Variants in ZNF155 observed in about 807,000 individuals in gnomAD.
ZNF155 encodes the protein KRAB A domain.
ZNF155 carries 15 observed loss-of-function variants against 11.9 expected under a neutral mutation model. The ratio of observed to expected loss-of-function variants is 1.26; its 90% confidence interval spans 0.84 to 1.94. ZNF155 has a LOEUF of 1.94. Ranked by LOEUF, ZNF155 falls within the 30% of genes most tolerant of loss-of-function variation. The pLI is 0.00. For synonymous variants in ZNF155, 212 were observed against 219.9 expected, an observed-to-expected ratio of 0.96 and a Z score of 0.32; for missense variants, 602 against 639.1, an observed-to-expected ratio of 0.94 and a Z score of 0.63.
chr19:43,995,280 T>G (rs1390072248), intron 4 of ZNF155, among the ~76,000 whole-genome samples: 1 of 151,978 alleles, frequency 6.6e-6, no homozygotes, highest in African/African-American at 2.4e-5. Flanking sequence ...CGTGGCTAAT[T>G]TTTGTATTTT....
intron 1 of ZNF155, among the ~76,000 whole-genome samples, chr19:43,987,455 A>G (rs1975502031): frequency 6.6e-6 from 1 of 152,226 alleles, no homozygotes; most frequent in South Asian, 2.1e-4. Context: ...TCTCATGTTT[A>G]GGTTCAGATC....
In ZNF155 at chr19:43,984,671, G is replaced by C. The variant is rs1217046738; in HGVS notation, c.-86+426G>C. On this transcript the variant is annotated intron_variant, in intron 1 of 4. Transcript: ENST00000270014. ...GATAGAATTGTTTTAGGAGTTGAAA[G>C]TTGTGGTATAAAACAAAGACTTAAC... Among the ~76,000 whole-genome samples the C allele has an allele frequency of 2.0e-5, 3 of 152,322 alleles. No homozygotes were observed. The East Asian group carries it at 5.8e-4, about 29-fold the overall frequency.
Position 43,997,753 on chromosome 19 carries a change from A to T in ZNF155, c.*279A>T. The T allele has an allele frequency of 2.9e-6, 1 of 339,548 alleles. No individual in the cohort carries two copies. The highest frequency in any genetic ancestry group is 5.3e-6 in the Non-Finnish European group (1 of 187,198). 21.0% of individuals were successfully genotyped at this position (339,548 alleles called of 1,614,324 possible). A position where few individuals can be genotyped will look rare whatever the true frequency, so the allele number is the denominator to read the frequency against. ...ACTGATAAGGGAACTAGCACAGGGG[A>T]TTGTGCCTGGAGACATGCCCATGGC... On this transcript the variant is annotated 3_prime_UTR_variant, in exon 5 of 5. Transcript: ENST00000270014.
chr19:43,990,277 G>A (rs550459798), intron 2 of ZNF155, among the ~76,000 whole-genome samples: 1 of 152,128 alleles, frequency 6.6e-6, no homozygotes, highest in East Asian at 1.9e-4. Context: ...CTCTTTACAG[G>A]ATTGATAATG....
chr19:43,987,224 T>C (rs1975493112), intron 1 of ZNF155, among the ~76,000 whole-genome samples: 1 of 152,336 alleles, frequency 6.6e-6, no homozygotes, highest in African/African-American at 2.4e-5. Flanking sequence ...TTAAATTTGT[T>C]CAATTTTTTC....
Position 43,991,577 on chromosome 19 carries a change from G to C in ZNF155, c.45G>C (p.Val15=). 1.9e-6 allele frequency: 3 copies of C among 1,614,146 alleles called. No homozygotes were observed. The highest frequency in any genetic ancestry group is 2.5e-6 in the Non-Finnish European group (3 of 1,180,024). ...CAGTGACCTTCAAGGATGTGGCTGTGGTCTTCACTGAGGAGGAGCTGGGGC... is the reference window on the plus strand; with the variant it reads ...CAGTGACCTTCAAGGATGTGGCTGTCGTCTTCACTGAGGAGGAGCTGGGGC... ...KEAVTFKDVA[V]VFTEEELGLL... Residue 15 remains valine, a synonymous_variant, in exon 3 of 5, where the codon GTG becomes GTC. Transcript: ENST00000270014.
intron 1 of ZNF155, among the ~76,000 whole-genome samples, chr19:43,985,575 C>G (rs564479974): frequency 5.8e-4 from 82 of 141,612 alleles, no homozygotes; most frequent in Middle Eastern, 8.3e-3. Context: ...GAGTCTCGCT[C>G]TGTCGCCCAG....
chr19:43,995,964 G>A, intron 4 of ZNF155, 129 bp from the exon 5 acceptor site: 1 of 1,229,272 alleles, frequency 8.1e-7, no homozygotes. Context: ...AAATCAGGGT[G>A]TACTTGGAAA....
rs1013178750 is a variant in ZNF155 at position 43,997,714 on chromosome 19, A to G, written c.*240A>G. ...CACAAAAAGCAGCCTGGGGAAGACA[A>G]TCAAGCTACAGGCACTGATAAGGGA... On this transcript the variant is annotated 3_prime_UTR_variant, in exon 5 of 5. Transcript: ENST00000270014. The G allele has an allele frequency of 9.1e-6, 4 of 440,512 alleles. No homozygotes were observed. The highest frequency in any genetic ancestry group is 4.0e-5 in the African/African-American group (2 of 49,844). The allele number at this position is 440,512 out of a possible 1,614,324, so 27.3% of individuals were successfully genotyped here.
At chr19:43,986,725 AG>A (rs1975469752) in intron 1 of ZNF155, among the ~76,000 whole-genome samples, 3 of 152,296 alleles carry the variant, frequency 2.0e-5, no homozygotes, top group Middle Eastern at 6.8e-3. Flanking sequence ...CTGAGATTAC[AG>A]GTGTGAGCCA....
Position 43,991,685 on chromosome 19 carries a change from G to T in ZNF155, c.142+11G>T, listed in dbSNP as rs1432990325. On this transcript the variant is annotated intron_variant, in intron 3 of 4. Coordinates refer to ENST00000270014, the MANE Select transcript of ZNF155 (RefSeq NM_198089.3). ...ACCTGCTCTCAGTGGGTGAGCACGG[G>T]CATCTTTTGTGTCTGAACATCAGGC... 1 of 1,613,982 alleles carries T rather than the reference G, an allele frequency of 6.2e-7. No homozygotes were observed. Among genetic ancestry groups the T allele is most frequent in the Non-Finnish European group, 8.5e-7 (1 of 1,179,978 alleles).
Position 43,989,325 on chromosome 19 carries a change from C to G in ZNF155, c.15+767C>G, listed in dbSNP as rs16976964. 8.5e-4 allele frequency among the ~76,000 whole-genome samples: 129 copies of G among 152,270 alleles called. 1 individual carries two copies. In the East Asian group the frequency reaches 0.02, roughly 23 times the overall value. Reference sequence around the variant, plus strand: ...TCATTTATGTAGTAAGCAGTTTAACCAAAGCAGTAGAAAGCCTTCATTTAA... The same window carrying G: ...TCATTTATGTAGTAAGCAGTTTAACGAAAGCAGTAGAAAGCCTTCATTTAA... On this transcript the variant is annotated intron_variant, in intron 2 of 4. Coordinates refer to ENST00000270014, the MANE Select transcript of ZNF155 (RefSeq NM_198089.3).
Position 43,996,793 on chromosome 19 carries a change from A to G in ZNF155, c.936A>G (p.Gly312=). 6.2e-7 allele frequency: 1 copy of G among 1,614,232 alleles called. No homozygotes were observed. The highest frequency in any genetic ancestry group is 1.1e-5 in the South Asian group (1 of 91,088). The part of the protein sequence containing the change: ...RLKSHSMVHT[G]EKPFRCDTCD... ...AGAGCCATTCCATGGTTCACACAGG[A>G]GAAAAACCATTTAGGTGTGATACAT... Residue 312 remains glycine, a synonymous_variant, in exon 5 of 5, where the codon GGA becomes GGG. Transcript: ENST00000270014.
In ZNF155 at chr19:43,996,560, G is replaced by A. The variant is rs770234932; in HGVS notation, c.703G>A (p.Glu235Lys). The A allele has an allele frequency of 6.2e-7, 1 of 1,614,086 alleles. No individual in the cohort carries two copies. The highest frequency in any genetic ancestry group is 1.1e-5 in the South Asian group (1 of 91,074). Residue 235 changes from glutamate (E) to lysine (K), a missense_variant, in exon 5 of 5, where the codon GAG becomes AAG. Coordinates refer to ENST00000270014, the MANE Select transcript of ZNF155 (RefSeq NM_198089.3). ...VHTGEKPFKC[E>K]QCGKGFSRRS... is the part of the protein sequence containing the mutation. ...CACTGGAGAGAAACCATTCAAATGT[G>A]AGCAATGTGGGAAAGGTTTCAGTCG...
At chr19:43,993,066 C>A (rs1232432543) in intron 4 of ZNF155, among the ~76,000 whole-genome samples, 1 of 152,160 alleles carries the variant, frequency 6.6e-6, no homozygotes, top group Non-Finnish European at 1.5e-5. Flanking sequence ...CATCTGCAGC[C>A]CATTTGCCTT....
At chr19:43,988,224 C>T (rs1416198086) in intron 1 of ZNF155, among the ~76,000 whole-genome samples, 3 of 152,150 alleles carry the variant, frequency 2.0e-5, no homozygotes, top group African/African-American at 7.2e-5. Flanking sequence ...TAAATGGGAT[C>T]GTATAATCCA....
rs761282229 is a variant in ZNF155 at position 43,997,465 on chromosome 19, T to C, written c.1608T>C (p.Asn536=). 6.3e-7 allele frequency: 1 copy of C among 1,596,212 alleles called. No individual in the cohort carries two copies. Among genetic ancestry groups the C allele is most frequent in the South Asian group, 1.1e-5 (1 of 88,632 alleles). The part of the protein sequence containing the change: ...NLDILLSLFL[N]DT ...ATATACTTTTATCATTATTTCTAAA[T>C]GACACATAATTGTTCATATTTATGG... The change falls in exon 5 of 5, where the codon AAT becomes AAC. Residue 536 remains asparagine (N), a synonymous_variant. Coordinates refer to ENST00000270014, the MANE Select transcript of ZNF155 (RefSeq NM_198089.3).
Position 43,997,623 on chromosome 19 carries a change from T to A in ZNF155, c.*149T>A. 1 of 810,106 alleles carries A rather than the reference T, an allele frequency of 1.2e-6. No individual in the cohort carries two copies. Among genetic ancestry groups the A allele is most frequent in the Non-Finnish European group, 1.9e-6 (1 of 539,334 alleles). 50.2% of individuals were successfully genotyped at this position (810,106 alleles called of 1,614,324 possible). A position where few individuals can be genotyped will look rare whatever the true frequency, so the allele number is the denominator to read the frequency against. ...TCAAAATCCATTTGAGAGGAGTTGG[T>A]AGACAGCAAGGGAAGGGTCCCTGGA... On this transcript the variant is annotated 3_prime_UTR_variant, in exon 5 of 5. Transcript: ENST00000270014.
chr19:43,991,624 A>G lies in ZNF155; in HGVS notation c.92A>G (p.Lys31Arg). Residue 31 changes from lysine to arginine, a missense_variant, in exon 3 of 5, where the codon AAG becomes AGG. By Grantham distance (26) the Lys-to-Arg change is conservative (BLOSUM62 2). Transcript: ENST00000270014. ...ELGLLDPAQR[K>R]LYRDVMLENF... ...GGGCTGCTGGACCCTGCCCAGAGGA[A>G]GCTGTACCGAGATGTGATGCTGGAG... 2 of 1,613,934 alleles carry G rather than the reference A, an allele frequency of 1.2e-6. No individual in the cohort carries two copies. Among genetic ancestry groups the G allele is most frequent in the South Asian group, 2.2e-5 (2 of 91,048 alleles).
Sources: allele counts gnomAD v4.1 joint callset (sites outside exome capture counted in the v4.1 genomes callset), GRCh38; gene constraint gnomAD v4.1.1; transcripts MANE v1.5; gene names NCBI Gene and HGNC (gene_info 2026-07-23, HGNC 2026-07-21).